Variants in SLC25A2 observed in about 807,000 individuals in gnomAD.
SLC25A2 encodes the protein mitochondrial ornithine transporter 2.
Under a neutral mutation model 7.4 loss-of-function variants are expected in SLC25A2, and 6 were observed. The observed-to-expected ratio is 0.82, with a 90% CI of 0.45 to 1.61. The LOEUF (loss-of-function observed/expected upper bound fraction) is 1.61. Ranked by LOEUF, SLC25A2 falls within the 40% of genes most tolerant of loss-of-function variation. The pLI, the probability that SLC25A2 is intolerant of heterozygous loss-of-function variation, is 0.01. For synonymous variants in SLC25A2, 158 were observed against 153.4 expected, an observed-to-expected ratio of 1.03 and a Z score of -0.22; for missense variants, 356 against 377.3, an observed-to-expected ratio of 0.94 and a Z score of 0.47.
chr5:141,302,979 TTCA>T lies in SLC25A2; in HGVS notation c.884_886del (p.Met295del), dbSNP rs782234822. The T allele has an allele frequency of 4.0e-5, 64 of 1,612,828 alleles. No individual in the cohort carries two copies. The highest frequency in any genetic ancestry group is 9.9e-5 in the South Asian group (9 of 90,872). ...GACACTTCAGTATGCTTCCAACTGT[TTCA>T]TCATCATCTTCCTGCTGTATTCGTA... is the stretch of plus-strand genomic sequence containing the variant. On this transcript the variant is annotated inframe_deletion, in exon 1 of 1. Coordinates refer to ENST00000239451, the MANE Select transcript of SLC25A2 (RefSeq NM_031947.4).
In SLC25A2 at chr5:141,303,841, C is replaced by T; in HGVS notation, c.25G>A (p.Ala9Thr). 2 of 1,613,858 alleles carry T rather than the reference C, an allele frequency of 1.2e-6. No individual in the cohort carries two copies. Among genetic ancestry groups the T allele is most frequent in the Non-Finnish European group, 1.7e-6 (2 of 1,179,854 alleles). The change falls in exon 1 of 1, where the codon GCC becomes ACC. Residue 9 changes from alanine (A) to threonine (T), a missense_variant. Transcript: ENST00000239451. Reference sequence around the variant, plus strand: ...GCCCCCGCTGTGAGGTCGATGGCGGCTTGGATGCCAGGACCGGACTTCATG... The same window carrying T: ...GCCCCCGCTGTGAGGTCGATGGCGGTTTGGATGCCAGGACCGGACTTCATG... MKSGPGIQ[A>T]AIDLTAGAAG... is the part of the protein sequence containing the mutation.
At position 141,303,040 on chromosome 5, in the gene SLC25A2, C is replaced by T. The variant is rs782235918; in HGVS notation, c.826G>A (p.Ala276Thr). ...YSGLKATMIR[A>T]IPANGALFVA... ...AACAGTGCCCCATTGGCAGGGATTGCTCGAATCATAGTAGCTTTCAGTCCA... is the reference window on the plus strand; with the variant it reads ...AACAGTGCCCCATTGGCAGGGATTGTTCGAATCATAGTAGCTTTCAGTCCA... Residue 276 changes from alanine to threonine, a missense_variant, in exon 1 of 1, where the codon GCA (alanine) becomes ACA (threonine). Coordinates refer to ENST00000239451, the MANE Select transcript of SLC25A2 (RefSeq NM_031947.4). 1.4e-5 allele frequency: 22 copies of T among 1,614,078 alleles called. No individual in the cohort carries two copies. The Admixed American group carries it at 3.3e-4, about 24-fold the overall frequency.
At position 141,302,667 on chromosome 5, in the gene SLC25A2, C is replaced by T. The variant is rs368447709; in HGVS notation, c.*293G>A. 414 of 298,702 alleles carry T rather than the reference C, an allele frequency of 1.4e-3. 5 individuals are homozygous for T. Among genetic ancestry groups the T allele is most frequent in the African/African-American group, 8.6e-3 (393 of 45,618 alleles). 18.5% of individuals were successfully genotyped at this position (298,702 alleles called of 1,614,324 possible). A position where few individuals can be genotyped will look rare whatever the true frequency, so the allele number is the denominator to read the frequency against. The stretch of plus-strand genomic sequence containing the variant: ...AAATGGCTTTATGCAAAGGCCCTGA[C>T]AGAACGATATTTAGTTTTTCAGATT... On this transcript the variant is annotated 3_prime_UTR_variant, in exon 1 of 1. Coordinates refer to ENST00000239451, the MANE Select transcript of SLC25A2 (RefSeq NM_031947.4).
At position 141,303,873 on chromosome 5, in the gene SLC25A2, C is replaced by A; in HGVS notation, c.-8G>T. On this transcript the variant is annotated 5_prime_UTR_variant, in exon 1 of 1. Transcript: ENST00000239451. ...GCCAGGACCGGACTTCATGTTCGCT[C>A]ACTCGTCTGAGGGTCCCAGTGGAAG... is the stretch of plus-strand genomic sequence containing the variant. 1 of 1,610,876 alleles carries A rather than the reference C, an allele frequency of 6.2e-7. No homozygotes were observed. Among genetic ancestry groups the A allele is most frequent in the Middle Eastern group, 1.7e-4 (1 of 6,014 alleles).
Position 141,302,719 on chromosome 5 carries a change from C to A in SLC25A2, c.*241G>T, listed in dbSNP as rs1554295979. 1 of 477,798 alleles carries A rather than the reference C, an allele frequency of 2.1e-6. No individual in the cohort carries two copies. Among genetic ancestry groups the A allele is most frequent in the African/African-American group, 2.0e-5 (1 of 50,942 alleles). 29.6% of individuals were successfully genotyped at this position (477,798 alleles called of 1,614,324 possible). A position where few individuals can be genotyped will look rare whatever the true frequency, so the allele number is the denominator to read the frequency against. On this transcript the variant is annotated 3_prime_UTR_variant, in exon 1 of 1. Transcript: ENST00000239451. ...GGTACATAGGGCCAACCAGCCCACC[C>A]TGTACATTCCAGCAAGTGCAAGAGC...
Position 141,302,671 on chromosome 5 carries a change from A to G in SLC25A2, c.*289T>C. ...GGCTTTATGCAAAGGCCCTGACAGA[A>G]CGATATTTAGTTTTTCAGATTAGGT... On this transcript the variant is annotated 3_prime_UTR_variant, in exon 1 of 1. Transcript: ENST00000239451. 1 of 308,508 alleles carries G rather than the reference A, an allele frequency of 3.2e-6. No individual in the cohort carries two copies. Among genetic ancestry groups the G allele is most frequent in the Non-Finnish European group, 6.0e-6 (1 of 168,008 alleles). The allele number at this position is 308,508 out of a possible 1,614,324, so 19.1% of individuals were successfully genotyped here.
chr5:141,303,349 G>A lies in SLC25A2; in HGVS notation c.517C>T (p.Leu173Phe). The change falls in exon 1 of 1, where the codon CTC becomes TTC. Residue 173 changes from leucine to phenylalanine, a missense_variant. By Grantham distance (22) the Leu-to-Phe change is conservative. Coordinates refer to ENST00000239451, the MANE Select transcript of SLC25A2 (RefSeq NM_031947.4). ...KDGPLGFYHGLSSTLLQEVPG... is the reference protein window; with the variant it reads ...KDGPLGFYHGFSSTLLQEVPG... ...ACTTCTTGAAGTAGAGTACTCGAGA[G>A]TCCATGGTAGAAGCCCAAGGGGCCA... The A allele has an allele frequency of 6.2e-7, 1 of 1,614,204 alleles. No homozygotes were observed. Among genetic ancestry groups the A allele is most frequent in the Non-Finnish European group, 8.5e-7 (1 of 1,180,046 alleles).
At position 141,303,620 on chromosome 5, in the gene SLC25A2, G is replaced by T. The variant is rs1564062088; in HGVS notation, c.246C>A (p.Phe82Leu). 6.2e-7 allele frequency: 1 copy of T among 1,614,246 alleles called. No homozygotes were observed. Among genetic ancestry groups the T allele is most frequent in the East Asian group, 2.2e-5 (1 of 44,874 alleles). Reference sequence around the variant, plus strand: ...ACTGCTGGCAGAACCCGTAGCACATGAAGAGGACCGAGTTTTCGGCGACGT... The same window carrying T: ...ACTGCTGGCAGAACCCGTAGCACATTAAGAGGACCGAGTTTTCGGCGACGT... ...MAYVAENSVL[F>L]MCYGFCQQFV... Residue 82 changes from phenylalanine (F) to leucine (L), a missense_variant, in exon 1 of 1, where the codon TTC (phenylalanine) becomes TTA (leucine). By Grantham distance (22) the Phe-to-Leu change is conservative. Transcript: ENST00000239451.
chr5:141,302,642 A>G lies in SLC25A2; in HGVS notation c.*318T>C, dbSNP rs868954600. ...AATCATCCAAACTGCATGTACACAC[A>G]AATGGCTTTATGCAAAGGCCCTGAC... On this transcript the variant is annotated 3_prime_UTR_variant, in exon 1 of 1. Transcript: ENST00000239451. 79 of 245,354 alleles carry G rather than the reference A, an allele frequency of 3.2e-4. No homozygotes were observed. Among genetic ancestry groups the G allele is most frequent in the African/African-American group, 1.7e-3 (75 of 43,940 alleles). The allele number at this position is 245,354 out of a possible 1,614,324, so 15.2% of individuals were successfully genotyped here.
Position 141,303,893 on chromosome 5 carries a change from T to C in SLC25A2, c.-28A>G. 6.3e-7 allele frequency: 1 copy of C among 1,599,912 alleles called. No individual in the cohort carries two copies. The highest frequency in any genetic ancestry group is 2.2e-5 in the East Asian group (1 of 44,722). On this transcript the variant is annotated 5_prime_UTR_variant, in exon 1 of 1. Transcript: ENST00000239451. ...TCGCTCACTCGTCTGAGGGTCCCAGTGGAAGGCGACTAACTCCCCAGAGCG... is the reference window on the plus strand; with the variant it reads ...TCGCTCACTCGTCTGAGGGTCCCAGCGGAAGGCGACTAACTCCCCAGAGCG...
chr5:141,302,834 G>A lies in SLC25A2; in HGVS notation c.*126C>T. The A allele has an allele frequency of 1.2e-6, 1 of 839,828 alleles. No homozygotes were observed. Among genetic ancestry groups the A allele is most frequent in the Admixed American group, 3.1e-5 (1 of 32,372 alleles). The allele number at this position is 839,828 out of a possible 1,614,324, so 52.0% of individuals were successfully genotyped here. On this transcript the variant is annotated 3_prime_UTR_variant, in exon 1 of 1. Coordinates refer to ENST00000239451, the MANE Select transcript of SLC25A2 (RefSeq NM_031947.4). The stretch of plus-strand genomic sequence containing the variant: ...CATAAAGTTAAGATTTAGGGTAGAA[G>A]AAGGGAAGATAAAACCAAAATTCCC...
Position 141,303,743 on chromosome 5 carries a change from A to G in SLC25A2, c.123T>C (p.Pro41=). ...DTIKVKMQTF[P]DLYKGLTDCF... The stretch of plus-strand genomic sequence containing the variant: ...AGTCGGTGAGGCCCTTGTACAGGTC[A>G]GGGAACGTCTGCATCTTCACTTTTA... Residue 41 remains proline (P), a synonymous_variant, in exon 1 of 1, where the codon CCT becomes CCC. Coordinates refer to ENST00000239451, the MANE Select transcript of SLC25A2 (RefSeq NM_031947.4). 1 of 1,614,248 alleles carries G rather than the reference A, an allele frequency of 6.2e-7. No homozygotes were observed. Among genetic ancestry groups the G allele is most frequent in the Non-Finnish European group, 8.5e-7 (1 of 1,180,050 alleles).
Position 141,304,034 on chromosome 5 carries a change from C to T in SLC25A2, c.-169G>A. 4.0e-6 allele frequency: 3 copies of T among 741,100 alleles called. No individual in the cohort carries two copies. The highest frequency in any genetic ancestry group is 6.5e-6 in the Non-Finnish European group (3 of 464,752). 45.9% of individuals were successfully genotyped at this position (741,100 alleles called of 1,614,324 possible). On this transcript the variant is annotated 5_prime_UTR_variant, in exon 1 of 1. Coordinates refer to ENST00000239451, the MANE Select transcript of SLC25A2 (RefSeq NM_031947.4). ...CCCCAGTGCGGGGGAAGCCGCTCAA[C>T]CCTACGCTCCGCCGCGGGCCGCCCC...
rs1755953536 is a variant in SLC25A2, at chr5:141,303,996, T to C, written c.-131A>G. On this transcript the variant is annotated 5_prime_UTR_variant, in exon 1 of 1. Transcript: ENST00000239451. ...GGTGGTGGGGTGGCTCTACCGCCTG[T>C]TCTGGGCTCTCACCCCAGTGCGGGG... is the stretch of plus-strand genomic sequence containing the variant. The C allele has an allele frequency of 6.7e-6, 7 of 1,048,026 alleles. No homozygotes were observed. The South Asian group carries it at 1.2e-4, about 17-fold the overall frequency. 64.9% of individuals were successfully genotyped at this position (1,048,026 alleles called of 1,614,324 possible).
rs782039388 is a variant in SLC25A2 at position 141,303,469 on chromosome 5, G to C, written c.397C>G (p.Arg133Gly). The change falls in exon 1 of 1, where the codon CGG (arginine) becomes GGG (glycine). Residue 133 changes from arginine (R) to glycine (G), a missense_variant. Arg to Gly is a moderately radical substitution (Grantham distance 125, BLOSUM62 -2). Transcript: ENST00000239451. ...ALCPTELVKC[R>G]LQTMYEMEMS... ...TCCATTTCATACATGGTCTGTAGCCGGCACTTCACAAGCTCAGTGGGGCAG... is the reference window on the plus strand; with the variant it reads ...TCCATTTCATACATGGTCTGTAGCCCGCACTTCACAAGCTCAGTGGGGCAG... The C allele has an allele frequency of 1.5e-5, 24 of 1,613,984 alleles. No individual in the cohort carries two copies. The Admixed American group carries it at 2.5e-4, about 17-fold the overall frequency.
At position 141,303,346 on chromosome 5, in the gene SLC25A2, A is replaced by G. The variant is rs1318418505; in HGVS notation, c.520T>C (p.Ser174Pro). Residue 174 changes from serine to proline, a missense_variant, in exon 1 of 1, where the codon TCG becomes CCG. Physicochemically the swap from Ser to Pro is moderately conservative, Grantham distance 74. Coordinates refer to ENST00000239451, the MANE Select transcript of SLC25A2 (RefSeq NM_031947.4). ...DGPLGFYHGL[S>P]STLLQEVPGY... ...GGTACTTCTTGAAGTAGAGTACTCG[A>G]GAGTCCATGGTAGAAGCCCAAGGGG... The G allele has an allele frequency of 6.8e-6, 11 of 1,614,098 alleles. No homozygotes were observed. Among genetic ancestry groups the G allele is most frequent in the Non-Finnish European group, 9.3e-6 (11 of 1,180,044 alleles).
At position 141,304,038 on chromosome 5, in the gene SLC25A2, A is replaced by G. The variant is rs946192971; in HGVS notation, c.-173T>C. ...AGTGCGGGGGAAGCCGCTCAACCCTACGCTCCGCCGCGGGCCGCCCCCTCC... is the reference window on the plus strand; with the variant it reads ...AGTGCGGGGGAAGCCGCTCAACCCTGCGCTCCGCCGCGGGCCGCCCCCTCC... On this transcript the variant is annotated 5_prime_UTR_variant, in exon 1 of 1. Coordinates refer to ENST00000239451, the MANE Select transcript of SLC25A2 (RefSeq NM_031947.4). The G allele has an allele frequency of 1.4e-6, 1 of 722,204 alleles. No homozygotes were observed. Among genetic ancestry groups the G allele is most frequent in the Non-Finnish European group, 2.2e-6 (1 of 449,098 alleles). 44.7% of individuals were successfully genotyped at this position (722,204 alleles called of 1,614,324 possible).
Position 141,302,891 on chromosome 5 carries a change from T to C in SLC25A2, c.*69A>G. ...TCAAAATTAGACAGTGGTCTTGTAC[T>C]CTGCTGAACCCTGTGATGAACTGTA... is the stretch of plus-strand genomic sequence containing the variant. On this transcript the variant is annotated 3_prime_UTR_variant, in exon 1 of 1. Transcript: ENST00000239451. 2.0e-6 allele frequency: 3 copies of C among 1,504,682 alleles called. No homozygotes were observed. The South Asian group carries it at 4.0e-5, about 20-fold the overall frequency. 93.2% of individuals were successfully genotyped at this position (1,504,682 alleles called of 1,614,324 possible).
Position 141,303,925 on chromosome 5 carries a change from C to A in SLC25A2, c.-60G>T. 1 of 1,538,190 alleles carries A rather than the reference C, an allele frequency of 6.5e-7. No homozygotes were observed. The highest frequency in any genetic ancestry group is 8.8e-7 in the Non-Finnish European group (1 of 1,139,438). The stretch of plus-strand genomic sequence containing the variant: ...CGACTAACTCCCCAGAGCGTGAGAC[C>A]GGCTTTTCACGTCCAGCCGCAGCGA... On this transcript the variant is annotated 5_prime_UTR_variant, in exon 1 of 1. Transcript: ENST00000239451.
Sources: allele counts gnomAD v4.1 joint callset, GRCh38; gene constraint gnomAD v4.1.1; transcripts MANE v1.5; gene names NCBI Gene and HGNC (gene_info 2026-07-23, HGNC 2026-07-21).